PAAF1: variants seen among roughly 807,000 people sequenced by gnomAD.
PAAF1 encodes the protein proteasomal ATPase associated factor 1.
In PAAF1, 46 loss-of-function variants were observed where a neutral mutation model predicts 52.8. That is an observed-to-expected ratio of 0.87 (90% CI 0.69 to 1.11). The LOEUF (loss-of-function observed/expected upper bound fraction) is 1.11. Ranked by LOEUF, PAAF1 falls within the 50% of genes most tolerant of loss-of-function variation. PAAF1 has a pLI of 0.00. For synonymous variants in PAAF1, 178 were observed against 172.8 expected, an observed-to-expected ratio of 1.03 and a Z score of -0.24; for missense variants, 424 against 477.4, an observed-to-expected ratio of 0.89 and a Z score of 1.04.
At chr11:73,911,877 A>G (rs7937252) in intron 7 of PAAF1, among the ~76,000 whole-genome samples, 10,174 of 150,874 alleles carry the variant, frequency 0.067, 398 homozygotes, top group Middle Eastern at 0.11. Context: ...CAAGTGATCC[A>G]CCCTCCTAAG....
chr11:73,884,159 A>G (rs895854389), intron 2 of PAAF1, among the ~76,000 whole-genome samples: 10 of 152,098 alleles, frequency 6.6e-5, no homozygotes, highest in African/African-American at 2.4e-4. Flanking sequence ...TAGTTCTGCT[A>G]TTATATAGAG....
At chr11:73,880,697 A>AGG (rs1948876432) in intron 2 of PAAF1, 1 of 102,188 alleles carries the variant, frequency 9.8e-6, no homozygotes, top group African/African-American at 5.2e-5. Flanking sequence ...GAAAAAAAAA[A>AGG]AAAAAAAAAA....
chr11:73,916,846 A>G (rs1476560643), intron 9 of PAAF1, among the ~76,000 whole-genome samples, 186 bp downstream of exon 9: 1 of 152,216 alleles, frequency 6.6e-6, no homozygotes, highest in Non-Finnish European at 1.5e-5. Context: ...ATTAAAATAT[A>G]TGATTCATAC....
At chr11:73,907,390 G>A (rs1207049069) in intron 6 of PAAF1, among the ~76,000 whole-genome samples, 1 of 152,158 alleles carries the variant, frequency 6.6e-6, no homozygotes, top group African/African-American at 2.4e-5. Context: ...GCCTCACACT[G>A]CAGACAGGGG....
At chr11:73,888,541 CT>C (rs918002938) in intron 3 of PAAF1, among the ~76,000 whole-genome samples, 4 of 152,042 alleles carry the variant, frequency 2.6e-5, no homozygotes, top group African/African-American at 4.8e-5. Context: ...GTGGACCAGC[CT>C]TTTGTTTCAT....
In PAAF1 at chr11:73,909,436, T is replaced by G; in HGVS notation, c.570T>G (p.Asn190Lys). The G allele has an allele frequency of 6.2e-7, 1 of 1,614,084 alleles. No individual in the cohort carries two copies. The highest frequency in any genetic ancestry group is 8.5e-7 in the Non-Finnish European group (1 of 1,180,002). The change falls in exon 7 of 12, where the codon AAT (asparagine) becomes AAG (lysine). Residue 190 changes from asparagine to lysine, a missense_variant. Transcript: ENST00000310571. ...LDTAIVDRGR[N>K]VVSASRDGTA... ...CAGCCATCGTTGATCGGGGGAGGAA[T>G]GTGGTGTCTGCTTCTCGAGATGGGA...
Position 73,889,111 on chromosome 11 carries a change from G to A in PAAF1, c.192+1654G>A, listed in dbSNP as rs758921153. ...GTTTAGCACTACCATGCAAGCCTACGTTTTTCCCAGGTGTTTTGGCACAGC... is the reference window on the plus strand; with the variant it reads ...GTTTAGCACTACCATGCAAGCCTACATTTTTCCCAGGTGTTTTGGCACAGC... On this transcript the variant is annotated intron_variant, in intron 3 of 11. Coordinates refer to ENST00000310571, the MANE Select transcript of PAAF1 (RefSeq NM_025155.3). 68 of 1,229,456 alleles carry A rather than the reference G, an allele frequency of 5.5e-5. 1 individual carries two copies. The South Asian group carries it at 7.6e-4, about 14-fold the overall frequency. 76.2% of individuals were successfully genotyped at this position (1,229,456 alleles called of 1,614,324 possible).
chr11:73,927,990 T>A lies in PAAF1; in HGVS notation c.*628T>A, dbSNP rs1285083751. The A allele has an allele frequency of 6.5e-6, 1 of 153,390 alleles. No individual in the cohort carries two copies. Among genetic ancestry groups the A allele is most frequent in the African/African-American group, 2.4e-5 (1 of 41,446 alleles). The allele number at this position is 153,390 out of a possible 1,614,324, so 9.5% of individuals were successfully genotyped here. On this transcript the variant is annotated 3_prime_UTR_variant, in exon 12 of 12. Transcript: ENST00000310571. Reference sequence around the variant, plus strand: ...AAACTGGGGCAGTCTCAAACCAACATGATTGGTCAGCCTATATGTAGGTGA... The same window carrying A: ...AAACTGGGGCAGTCTCAAACCAACAAGATTGGTCAGCCTATATGTAGGTGA...
intron 7 of PAAF1, among the ~76,000 whole-genome samples, chr11:73,911,899 G>T (rs1308779802): frequency 6.6e-6 from 1 of 151,930 alleles, no homozygotes; most frequent in Non-Finnish European, 1.5e-5. Flanking sequence ...CTCCCAAAGT[G>T]CTGGGCTTAC....
chr11:73,918,538 G>A (rs1311416324), intron 9 of PAAF1, among the ~76,000 whole-genome samples: 1 of 148,950 alleles, frequency 6.7e-6, no homozygotes, highest in African/African-American at 2.5e-5. Context: ...GTGCAGTGGC[G>A]CGATCTCGGC....
At chr11:73,924,885 G>C (rs187679541) in intron 11 of PAAF1, among the ~76,000 whole-genome samples, 188 bp downstream of exon 11, 1 of 152,226 alleles carries the variant, frequency 6.6e-6, no homozygotes, top group Non-Finnish European at 1.5e-5. Flanking sequence ...AGGCATGGTG[G>C]CTCACGCCTG....
Position 73,918,931 on chromosome 11 carries a change from C to T in PAAF1, c.936-19C>T, listed in dbSNP as rs1416168529. 1 of 1,600,614 alleles carries T rather than the reference C, an allele frequency of 6.2e-7. No individual in the cohort carries two copies. Among genetic ancestry groups the T allele is most frequent in the Non-Finnish European group, 8.6e-7 (1 of 1,168,938 alleles). On this transcript the variant is annotated intron_variant, in intron 9 of 11. Transcript: ENST00000310571. ...TTTTGAAGAAAGAAAGTAAAATTTC[C>T]CCTTTCTCTGAATCCTAGGGCTCCG...
chr11:73,901,857 C>G (rs886738173), intron 6 of PAAF1, among the ~76,000 whole-genome samples: 11 of 151,360 alleles, frequency 7.3e-5, no homozygotes, highest in Non-Finnish European at 1.3e-4. Flanking sequence ...AGGCATTAGC[C>G]ACTGCGCCTT....
Position 73,919,044 on chromosome 11 carries a change from G to A in PAAF1, c.1018+12G>A, listed in dbSNP as rs1591126262. On this transcript the variant is annotated intron_variant, in intron 10 of 11. Coordinates refer to ENST00000310571, the MANE Select transcript of PAAF1 (RefSeq NM_025155.3). ...CATTGCTAGCCAAGGTGGGTCCATG[G>A]GCCAATTGAGAGAGATGCTTCTCTG... 1 of 1,599,244 alleles carries A rather than the reference G, an allele frequency of 6.3e-7. No individual in the cohort carries two copies. The highest frequency in any genetic ancestry group is 2.2e-5 in the East Asian group (1 of 44,754).
chr11:73,886,928 G>T, intron 2 of PAAF1: 2 of 387,570 alleles, frequency 5.2e-6, no homozygotes, highest in African/African-American at 2.1e-5. Flanking sequence ...TCCTGAGAAA[G>T]CTGATTGTTA....
intron 10 of PAAF1, among the ~76,000 whole-genome samples, chr11:73,919,423 A>G (rs1950151441): frequency 6.6e-6 from 1 of 152,242 alleles, no homozygotes; most frequent in Admixed American, 6.5e-5. Context: ...TGCTGTCAGC[A>G]AGGTCTTCGT....
intron 8 of PAAF1, among the ~76,000 whole-genome samples, chr11:73,915,220 C>T (rs2135215280): frequency 6.6e-6 from 1 of 152,226 alleles, no homozygotes; most frequent in African/African-American, 2.4e-5. Flanking sequence ...CCTCTCTGGA[C>T]CTTAGTGTGC....
At chr11:73,896,287 C>CT (rs899630404) in intron 4 of PAAF1, among the ~76,000 whole-genome samples, 1 of 102,776 alleles carries the variant, frequency 9.7e-6, no homozygotes, top group Admixed American at 9.6e-5. Context: ...TTCTTTTTTT[C>CT]TTTTTTTCTT....
chr11:73,899,870 G>A (rs1326398462), intron 5 of PAAF1, among the ~76,000 whole-genome samples: 2 of 152,134 alleles, frequency 1.3e-5, no homozygotes, highest in Non-Finnish European at 2.9e-5. Context: ...GAATAGCTTG[G>A]CTGTTAGACT....
Sources: gnomAD v4.1 joint callset for allele counts (sites outside exome capture counted in the v4.1 genomes callset) on GRCh38, gnomAD v4.1.1 for gene constraint, MANE v1.5 for transcripts, NCBI Gene and HGNC (gene_info 2026-07-23, HGNC 2026-07-21) for gene names.